Variants in NCALD observed in about 807,000 individuals in gnomAD.
NCALD encodes neurocalcin-delta.
A neutral mutation model predicts 18.6 loss-of-function variants in NCALD; 10 were observed. That is an observed-to-expected ratio of 0.54 (90% CI 0.33 to 0.91). The LOEUF is 0.91. NCALD is among the 40% of genes least tolerant of loss of function. The pLI, the probability that NCALD is intolerant of heterozygous loss-of-function variation, is 0.03. For synonymous variants in NCALD, 88 were observed against 87.4 expected (o/e 1.01, Z -0.04); for missense variants, 184 against 247.6 (o/e 0.74, Z 1.72).
At chr8:101,940,980 G>A (rs1258601724) in intron 2 of NCALD, among the ~76,000 whole-genome samples, 3 of 152,110 alleles carry the variant, frequency 2.0e-5, no homozygotes, top group Non-Finnish European at 4.4e-5. Flanking sequence ...TTTTTAAAGA[G>A]GGTAAATACC....
At chr8:101,713,674 A>T (rs1453168952) in intron 2 of NCALD, among the ~76,000 whole-genome samples, 1 of 152,198 alleles carries the variant, frequency 6.6e-6, no homozygotes, top group East Asian at 1.9e-4. Flanking sequence ...TAAACTAAAA[A>T]ATCAAGAAGA....
At chr8:102,000,061 G>A (rs554470625) in intron 2 of NCALD, among the ~76,000 whole-genome samples, 12 of 152,324 alleles carry the variant, frequency 7.9e-5, no homozygotes, top group East Asian at 3.9e-4. Flanking sequence ...CCAGCGCACC[G>A]AGCGTGAGCC....
chr8:101,970,263 T>C (rs12114981), intron 2 of NCALD, among the ~76,000 whole-genome samples: 2,351 of 152,320 alleles, frequency 0.015, 49 homozygotes, highest in African/African-American at 0.048. Flanking sequence ...TATGGAGATT[T>C]TGTTCATGTA....
At chr8:102,116,603 C>T (rs1332525002) in intron 1 of NCALD, among the ~76,000 whole-genome samples, 1 of 152,228 alleles carries the variant, frequency 6.6e-6, no homozygotes, top group African/African-American at 2.4e-5. Context: ...CTACCTCAGC[C>T]TCCCGAGTAG....
rs574630038 is a variant in NCALD, at chr8:101,702,706, G to A, written c.379-9810C>T. On this transcript the variant is annotated intron_variant, in intron 2 of 3. Coordinates refer to ENST00000220931, the MANE Select transcript of NCALD (RefSeq NM_032041.3). ...GGAAGAACTTTATGTTCTGTGGTGC[G>A]CAACGGCAGAAGAGCAAGAGGCTGC... Among the ~76,000 whole-genome samples, 22 of 152,310 alleles carry A rather than the reference G, an allele frequency of 1.4e-4. No homozygotes were observed. The South Asian group carries it at 3.3e-3, about 23-fold the overall frequency.
intron 3 of NCALD, among the ~76,000 whole-genome samples, chr8:101,910,385 G>T (rs1203914624): frequency 7.2e-6 from 1 of 138,640 alleles, no homozygotes; most frequent in Non-Finnish European, 1.5e-5. Context: ...CGCCAGAAAA[G>T]GAGAGCTCAG....
chr8:102,081,579 CCA>C (rs1491296735), intron 1 of NCALD, among the ~76,000 whole-genome samples: 15 of 118,818 alleles, frequency 1.3e-4, no homozygotes, highest in Middle Eastern at 4.6e-3. Context: ...AAAAAAAACC[CCA>C]AAAAAAACTG....
At chr8:102,070,903 G>C (rs1005875645) in intron 1 of NCALD, among the ~76,000 whole-genome samples, 2 of 152,008 alleles carry the variant, frequency 1.3e-5, no homozygotes, top group African/African-American at 4.8e-5. Context: ...CAAACTCCTA[G>C]TGTATAATAG....
At chr8:101,970,507 C>T (rs1563492930) in intron 2 of NCALD, among the ~76,000 whole-genome samples, 1 of 152,160 alleles carries the variant, frequency 6.6e-6, no homozygotes, top group Admixed American at 6.6e-5. Context: ...AAAGCTCTAT[C>T]TACTCCAAAA....
At chr8:102,054,101 G>C (rs1417541011) in intron 1 of NCALD, among the ~76,000 whole-genome samples, 1 of 152,194 alleles carries the variant, frequency 6.6e-6, no homozygotes, top group Non-Finnish European at 1.5e-5. Flanking sequence ...TAAAAGCAGA[G>C]TCAAATCTTT....
intron 4 of NCALD, among the ~76,000 whole-genome samples, chr8:101,813,492 C>A (rs530198537): frequency 1.3e-5 from 2 of 152,062 alleles, no homozygotes; most frequent in Non-Finnish European, 2.9e-5. Context: ...CACAGCTAGT[C>A]GGTGGCAGAT....
intron 1 of NCALD, among the ~76,000 whole-genome samples, chr8:102,111,573 G>A (rs934429595): frequency 6.6e-6 from 1 of 152,012 alleles, no homozygotes; most frequent in Non-Finnish European, 1.5e-5. Context: ...AAGAGTGAGA[G>A]CCAAAGGAAC....
chr8:101,859,387 G>C (rs1815448871), intron 4 of NCALD, among the ~76,000 whole-genome samples: 1 of 152,130 alleles, frequency 6.6e-6, no homozygotes, highest in African/African-American at 2.4e-5. Context: ...ACTGCCTATT[G>C]TGGGACTTCA....
intron 2 of NCALD, among the ~76,000 whole-genome samples, chr8:101,971,223 A>G (rs766227464): frequency 7.9e-5 from 12 of 152,102 alleles, no homozygotes; most frequent in Non-Finnish European, 1.2e-4. Flanking sequence ...GACAGATATG[A>G]AGCACGAGAT....
chr8:101,828,629 T>A (rs1196574876), intron 4 of NCALD, among the ~76,000 whole-genome samples: 1 of 151,048 alleles, frequency 6.6e-6, no homozygotes, highest in African/African-American at 2.4e-5. Context: ...AGAGACAGAG[T>A]CTCACTCTGT....
intron 1 of NCALD, among the ~76,000 whole-genome samples, chr8:102,076,656 A>T (rs972772317): frequency 6.6e-6 from 1 of 152,200 alleles, no homozygotes; most frequent in African/African-American, 2.4e-5. Flanking sequence ...ACTTGTATTC[A>T]CCTAAGAGGC....
intron 1 of NCALD, among the ~76,000 whole-genome samples, chr8:102,110,278 T>C (rs1206033482): frequency 6.6e-6 from 1 of 152,100 alleles, no homozygotes; most frequent in Non-Finnish European, 1.5e-5. Flanking sequence ...GTAAAGAACA[T>C]GTAACTGAAA....
At chr8:101,826,947 C>T (rs1199769702) in intron 4 of NCALD, among the ~76,000 whole-genome samples, 1 of 152,184 alleles carries the variant, frequency 6.6e-6, no homozygotes, top group Non-Finnish European at 1.5e-5. Context: ...ATTAAAGCTA[C>T]TACCATATTA....
intron 1 of NCALD, among the ~76,000 whole-genome samples, chr8:102,054,021 T>C (rs776228085): frequency 6.6e-6 from 1 of 152,236 alleles, no homozygotes; most frequent in Non-Finnish European, 1.5e-5. Flanking sequence ...CTTTCTAACA[T>C]AGTAGAACAT....
Sources: gnomAD v4.1 joint callset for allele counts (sites outside exome capture counted in the v4.1 genomes callset) on GRCh38, gnomAD v4.1.1 for gene constraint, MANE v1.5 for transcripts, NCBI Gene and HGNC (gene_info 2026-07-23, HGNC 2026-07-21) for gene names.